The following OLFML2B variants were observed in gnomAD, a reference collection of about 807,000 sequenced individuals.
OLFML2B encodes olfactomedin-like protein 2B.
A neutral mutation model predicts 74.9 loss-of-function variants in OLFML2B; 57 were observed. That is an observed-to-expected ratio of 0.76 (90% CI 0.61 to 0.95). OLFML2B has a LOEUF of 0.95. Ranked by LOEUF, OLFML2B falls within the 40% of genes least tolerant of loss-of-function variation. OLFML2B has a pLI of 0.00. For missense variants in OLFML2B, 986 were observed against 970.6 expected, an observed-to-expected ratio of 1.02 and a Z score of -0.21; for synonymous variants, 388 against 405.8, an observed-to-expected ratio of 0.96 and a Z score of 0.53.
intron 6 of OLFML2B, among the ~76,000 whole-genome samples, chr1:161,990,551 T>TA (rs77531925): frequency 0.054 from 8,289 of 152,230 alleles, 382 homozygotes; most frequent in African/African-American, 0.12. Context: ...ACTTTATTAC[T>TA]AAAAAATACT....
In OLFML2B at chr1:162,023,423, T is replaced by C. The variant is rs1159053150; in HGVS notation, c.8A>G (p.Lys3Arg). The C allele has an allele frequency of 1.9e-6, 3 of 1,566,420 alleles. No homozygotes were observed. The highest frequency in any genetic ancestry group is 2.3e-5 in the East Asian group (1 of 42,554). Residue 3 changes from lysine (K) to arginine (R), a missense_variant, in exon 1 of 8, where the codon AAG becomes AGG. Lys to Arg is a conservative substitution (Grantham distance 26). Transcript: ENST00000294794. ...GAAGTAGAGAACTAGCAGCCGAGGC[T>C]TGGCCATGAGGGGCGCGATAAGAGT... MAKPRLLVLYFAL... is the reference protein window; with the variant it reads MARPRLLVLYFAL...
intron 3 of OLFML2B, 110 bp downstream of exon 3, chr1:162,017,290 A>G (rs952369018): frequency 1.3e-6 from 1 of 741,266 alleles, no homozygotes; most frequent in African/African-American, 1.8e-5. Context: ...ATAGAATAGG[A>G]TGGGTTAAGT....
rs1002031788 is a variant in OLFML2B, at chr1:162,020,182, A to G, written c.175T>C (p.Leu59=). 9 of 1,613,696 alleles carry G rather than the reference A, an allele frequency of 5.6e-6. No individual in the cohort carries two copies. The African/African-American group carries it at 1.1e-4, about 19-fold the overall frequency. Residue 59 remains leucine (L), a splice_region_variant and synonymous_variant, in exon 2 of 8, where the codon TTG becomes CTG. Coordinates refer to ENST00000294794, the MANE Select transcript of OLFML2B (RefSeq NM_015441.3). The stretch of plus-strand genomic sequence containing the variant: ...TTGACCTTGTCATAGTCCCCCAGCA[A>G]CTAGACACACAGAAAACGGGTTAGG... ...ADNQENVLSQ[L]LGDYDKVKAM...
rs1482407717 is a variant in OLFML2B, at chr1:161,997,815, A to G, written c.1474+10T>C. The G allele has an allele frequency of 6.2e-7, 1 of 1,603,128 alleles. No homozygotes were observed. The highest frequency in any genetic ancestry group is 2.2e-5 in the East Asian group (1 of 44,644). On this transcript the variant is annotated intron_variant, in intron 6 of 7. Transcript: ENST00000294794. ...GATCAGGAGACCAAGGCCAGGTACA[A>G]TGAACTTACCTATGACATTCCGGAT...
chr1:162,014,584 C>T (rs1690479553), intron 3 of OLFML2B, among the ~76,000 whole-genome samples: 1 of 152,218 alleles, frequency 6.6e-6, no homozygotes, highest in Non-Finnish European at 1.5e-5. Flanking sequence ...ACTTCCATTC[C>T]TCCTGCAGAA....
chr1:161,983,855 C>T lies in OLFML2B; in HGVS notation c.2073G>A (p.Gln691=). The part of the protein sequence containing the change: ...GVLYAVDSYN[Q]RNANISYAFD... ...AAGCGTAGGAGATGTTGGCATTCCG[C>T]TGGTTGTAGCTATCCACGGCATACA... Residue 691 remains glutamine, a synonymous_variant, in exon 8 of 8, where the codon CAG becomes CAA. Coordinates refer to ENST00000294794, the MANE Select transcript of OLFML2B (RefSeq NM_015441.3). The T allele has an allele frequency of 6.2e-7, 1 of 1,614,144 alleles. No homozygotes were observed. Among genetic ancestry groups the T allele is most frequent in the Middle Eastern group, 1.6e-4 (1 of 6,062 alleles).
At chr1:162,011,906 G>A (rs527815868) in intron 3 of OLFML2B, among the ~76,000 whole-genome samples, 5 of 152,276 alleles carry the variant, frequency 3.3e-5, no homozygotes, top group South Asian at 2.1e-4. Context: ...GCTGACACTC[G>A]CACTGTAAGT....
Position 161,984,179 on chromosome 1 carries a change from G to T in OLFML2B, c.1749C>A (p.Arg583=), listed in dbSNP as rs1305051411. 6.2e-7 allele frequency: 1 copy of T among 1,602,638 alleles called. No individual in the cohort carries two copies. Among genetic ancestry groups the T allele is most frequent in the African/African-American group, 1.3e-5 (1 of 74,712 alleles). ...GAFYYNRAFT[R]NIIKYDLKQR... is the part of the protein sequence containing the mutation. ...GCTTCAGGTCGTACTTGATGATGTT[G>T]CGGGTGAAGGCGCGATTGTAGTAGA... is the stretch of plus-strand genomic sequence containing the variant. Residue 583 remains arginine, a synonymous_variant, in exon 8 of 8, where the codon CGC becomes CGA. Coordinates refer to ENST00000294794, the MANE Select transcript of OLFML2B (RefSeq NM_015441.3).
chr1:162,006,304 T>C lies in OLFML2B; in HGVS notation c.716A>G (p.His239Arg). The C allele has an allele frequency of 6.3e-7, 1 of 1,580,918 alleles. No homozygotes were observed. The change falls in exon 4 of 8, where the codon CAC (histidine) becomes CGC (arginine). Residue 239 changes from histidine (H) to arginine (R), a missense_variant. By Grantham distance (29) the His-to-Arg change is conservative. Transcript: ENST00000294794. Reference protein sequence around the residue: ...LQRDAAAAYAHPEYEERFLQE... With the variant: ...LQRDAAAAYARPEYEERFLQE... ...TGGAGGCTGGGGCTATACCTCTGGG[T>C]GGGCGTAGGCTGCTGCTGCATCCCT...
chr1:161,995,999 T>G (rs146325248), intron 6 of OLFML2B, among the ~76,000 whole-genome samples: 258 of 152,268 alleles, frequency 1.7e-3, no homozygotes, highest in African/African-American at 5.8e-3. Flanking sequence ...CCCAAGGCAG[T>G]CTGCAGAAAC....
chr1:162,022,653 CG>C (rs2101984192), intron 1 of OLFML2B, among the ~76,000 whole-genome samples: 1 of 152,246 alleles, frequency 6.6e-6, no homozygotes, highest in African/African-American at 2.4e-5. Flanking sequence ...GGACACTTTA[CG>C]AAGCCCATCA....
At chr1:161,991,277 T>C (rs1478736072) in intron 6 of OLFML2B, among the ~76,000 whole-genome samples, 1 of 152,236 alleles carries the variant, frequency 6.6e-6, no homozygotes, top group Non-Finnish European at 1.5e-5. Flanking sequence ...CCTTACAAAA[T>C]GTATTTCTTA....
At chr1:162,017,948 A>G (rs1398347513) in intron 2 of OLFML2B, among the ~76,000 whole-genome samples, 1 of 152,230 alleles carries the variant, frequency 6.6e-6, no homozygotes, top group Non-Finnish European at 1.5e-5. Context: ...AATACTATGC[A>G]GCCATGAAAA....
At chr1:162,001,492 G>T (rs1690077842) in intron 4 of OLFML2B, among the ~76,000 whole-genome samples, 2 of 152,198 alleles carry the variant, frequency 1.3e-5, no homozygotes, top group African/African-American at 4.8e-5. Context: ...ATCATGAGGG[G>T]ATTTTGAGGA....
Position 162,017,437 on chromosome 1 carries a change from G to C in OLFML2B, c.509C>G (p.Thr170Ser). 6.2e-7 allele frequency: 1 copy of C among 1,613,716 alleles called. No individual in the cohort carries two copies. The highest frequency in any genetic ancestry group is 1.1e-5 in the South Asian group (1 of 90,970). ...GLDLLKLHSV[T>S]TKLVGRVDKL... is the part of the protein sequence containing the mutation. The stretch of plus-strand genomic sequence containing the variant: ...ATCCACTCGCCCCACCAGTTTGGTG[G>C]TGACTGAATGTAGCTTCAGGAGATC... Residue 170 changes from threonine to serine, a missense_variant, in exon 3 of 8, where the codon ACC becomes AGC. Thr to Ser is a moderately conservative substitution (Grantham distance 58, BLOSUM62 1). Transcript: ENST00000294794.
intron 6 of OLFML2B, among the ~76,000 whole-genome samples, chr1:161,986,838 G>A (rs537583048): frequency 5.3e-5 from 8 of 152,336 alleles, no homozygotes; most frequent in East Asian, 1.9e-4. Flanking sequence ...CCTGTCCAGC[G>A]GCATCCCTGG....
Position 161,998,251 on chromosome 1 carries a change from C to T in OLFML2B, c.1048G>A (p.Ala350Thr). The part of the protein sequence containing the change: ...GLMTSVTRRP[A>T]ATRQGHSTAV... ...GTGCTGTGTCCCTGACGGGTGGCTG[C>T]AGGCCTCCGGGTGACACTGGTCATC... The change falls in exon 6 of 8, where the codon GCA becomes ACA. Residue 350 changes from alanine to threonine, a missense_variant. Ala to Thr is a moderately conservative substitution (Grantham distance 58). Coordinates refer to ENST00000294794, the MANE Select transcript of OLFML2B (RefSeq NM_015441.3). The T allele has an allele frequency of 6.2e-7, 1 of 1,611,506 alleles. No individual in the cohort carries two copies. Among genetic ancestry groups the T allele is most frequent in the Non-Finnish European group, 8.5e-7 (1 of 1,177,950 alleles).
At chr1:162,020,269 T>C (rs1690665384) in intron 1 of OLFML2B, 87 bp from the exon 2 acceptor site, 5 of 1,483,056 alleles carry the variant, frequency 3.4e-6, no homozygotes, top group African/African-American at 1.4e-5. Context: ...CTTAGTCAAA[T>C]GTCCTGCACT....
chr1:161,989,053 G>A (rs1454765412), intron 6 of OLFML2B, among the ~76,000 whole-genome samples: 1 of 152,108 alleles, frequency 6.6e-6, no homozygotes, highest in African/African-American at 2.4e-5. Flanking sequence ...CCACCTCTAT[G>A]GCGTAGTTCA....
Sources: allele counts gnomAD v4.1 joint callset (sites outside exome capture counted in the v4.1 genomes callset), GRCh38; gene constraint gnomAD v4.1.1; transcripts MANE v1.5; gene names NCBI Gene and HGNC (gene_info 2026-07-23, HGNC 2026-07-21).